ILF2: variants seen among roughly 807,000 people sequenced by gnomAD.
ILF2 encodes interleukin enhancer binding factor 2.
ILF2 carries 9 observed loss-of-function variants against 55.3 expected under a neutral mutation model. That is an observed-to-expected ratio of 0.16 (90% confidence interval 0.10 to 0.28). The LOEUF is 0.28. Ranked by LOEUF, ILF2 falls within the 10% of genes least tolerant of loss-of-function variation. ILF2 has a pLI of 1.00. For synonymous variants in ILF2, 151 were observed against 161.8 expected (o/e 0.93, Z 0.50); for missense variants, 266 against 474.9 (o/e 0.56, Z 4.09).
chr1:153,664,134 AAAGT>A lies in ILF2; in HGVS notation c.657-8_657-5del. 6.3e-7 allele frequency: 1 copy of A among 1,593,392 alleles called. No homozygotes were observed. The highest frequency in any genetic ancestry group is 8.6e-7 in the Non-Finnish European group (1 of 1,162,920). The stretch of plus-strand genomic sequence containing the variant: ...TAGTCTGATGAGAACTTTAACTCTG[AAAGT>A]AATAGTGACCCAAACATTAAAATCA... On this transcript the variant is annotated splice_region_variant and splice_polypyrimidine_tract_variant and intron_variant, in intron 9 of 13. Coordinates refer to ENST00000361891, the MANE Select transcript of ILF2 (RefSeq NM_004515.4).
At chr1:153,663,924 C>A in intron 10 of ILF2, 119 bp downstream of exon 10, 1 of 483,202 alleles carries the variant, frequency 2.1e-6, no homozygotes, top group Non-Finnish European at 3.6e-6. Flanking sequence ...TTTTAAGCTT[C>A]ACCAAATTTC....
chr1:153,667,696 G>GA (rs769678302), intron 5 of ILF2, 39 bp from the exon 6 acceptor site: 2 of 1,424,670 alleles, frequency 1.4e-6, no homozygotes, highest in Admixed American at 1.9e-5. Context: ...CAATTTAGAA[G>GA]AAAAAAAGGT....
chr1:153,670,616 C>T (rs546500149), intron 1 of ILF2, among the ~76,000 whole-genome samples: 29 of 152,212 alleles, frequency 1.9e-4, no homozygotes, highest in African/African-American at 6.7e-4. Context: ...GCCCGGATGA[C>T]GGGGGCGGGG....
At chr1:153,670,023 G>A in intron 2 of ILF2, 145 bp from the exon 3 acceptor site, 1 of 1,077,258 alleles carries the variant, frequency 9.3e-7, no homozygotes, top group Middle Eastern at 2.0e-4. Context: ...TTAGCATAGT[G>A]GGGCCAAATT....
chr1:153,667,216 G>T (rs555504521), intron 6 of ILF2: 75 of 410,332 alleles, frequency 1.8e-4, no homozygotes, highest in African/African-American at 1.4e-3. Context: ...AGTGGCTCAC[G>T]CCTGTAATCC....
chr1:153,669,942 G>A lies in ILF2; in HGVS notation c.66-64C>T, dbSNP rs889630301. On this transcript the variant is annotated intron_variant, in intron 2 of 13. Coordinates refer to ENST00000361891, the MANE Select transcript of ILF2 (RefSeq NM_004515.4). ...GAATCAAGCGAGATGTAAATAACACGCCAACAATTTTGAAAACATGTCAGT... is the reference window on the plus strand; with the variant it reads ...GAATCAAGCGAGATGTAAATAACACACCAACAATTTTGAAAACATGTCAGT... 46 of 1,376,518 alleles carry A rather than the reference G, an allele frequency of 3.3e-5. No homozygotes were observed. The Middle Eastern group carries it at 2.1e-3, about 64-fold the overall frequency. The allele number at this position is 1,376,518 out of a possible 1,614,324, so 85.3% of individuals were successfully genotyped here.
chr1:153,663,992 CT>C lies in ILF2; in HGVS notation c.744+50del, dbSNP rs761663076. 94 of 878,224 alleles carry C rather than the reference CT, an allele frequency of 1.1e-4. 1 individual carries two copies. Among genetic ancestry groups the C allele is most frequent in the Middle Eastern group, 4.4e-4 (2 of 4,516 alleles). The allele number at this position is 878,224 out of a possible 1,614,324, so 54.4% of individuals were successfully genotyped here. On this transcript the variant is annotated intron_variant, in intron 10 of 13. Coordinates refer to ENST00000361891, the MANE Select transcript of ILF2 (RefSeq NM_004515.4). ...ACTACTACTACTACTACTACTACTA[CT>C]ACTAGTAAATAAGGATGATGAGGAA... is the stretch of plus-strand genomic sequence containing the variant.
chr1:153,667,474 G>A, intron 6 of ILF2, 81 bp downstream of exon 6: 1 of 995,008 alleles, frequency 1.0e-6, no homozygotes, highest in East Asian at 2.4e-5. Flanking sequence ...GGGAGAATTT[G>A]TCTCAAAACA....
At chr1:153,662,906 C>CT in intron 12 of ILF2, 111 bp from the exon 13 acceptor site, 1 of 1,312,908 alleles carries the variant, frequency 7.6e-7, no homozygotes, top group Non-Finnish European at 1.1e-6. Flanking sequence ...GGACCAAAGT[C>CT]TTTCAGAATC....
At chr1:153,663,593 A>G (rs1669230839) in intron 10 of ILF2, among the ~76,000 whole-genome samples, 1 of 151,862 alleles carries the variant, frequency 6.6e-6, no homozygotes, top group African/African-American at 2.4e-5. Flanking sequence ...TCAGCCTCCC[A>G]AAGTGCTGGG....
rs761113682 is a variant in ILF2, at chr1:153,669,913, G to A, written c.66-35C>T. ...GAAAAACAGCCAAATTATTCCCTAG[G>A]TAGGAATCAAGCGAGATGTAAATAA... On this transcript the variant is annotated intron_variant, in intron 2 of 13. Coordinates refer to ENST00000361891, the MANE Select transcript of ILF2 (RefSeq NM_004515.4). 6 of 1,563,890 alleles carry A rather than the reference G, an allele frequency of 3.8e-6. No individual in the cohort carries two copies. In the African/African-American group the frequency reaches 4.1e-5, roughly 11 times the overall value.
intron 10 of ILF2, 109 bp downstream of exon 10, chr1:153,663,934 C>CA (rs1027703216): frequency 1.9e-6 from 1 of 522,834 alleles, no homozygotes; most frequent in African/African-American, 2.0e-5. Flanking sequence ...CACCAAATTT[C>CA]AGACTCTGGT....
intron 7 of ILF2, 132 bp from the exon 8 acceptor site, chr1:153,665,468 A>C: frequency 1.3e-6 from 1 of 762,456 alleles, no homozygotes; most frequent in South Asian, 1.6e-5. Flanking sequence ...TAGAATACAG[A>C]GCTTTAGAAG....
At chr1:153,667,202 GCA>G in intron 6 of ILF2, 1 of 385,292 alleles carries the variant, frequency 2.6e-6, no homozygotes. Context: ...TAAGGGCTGG[GCA>G]CAGTGGCTCA....
chr1:153,662,996 T>C (rs756802659), intron 12 of ILF2, 23 bp downstream of exon 12: 1 of 1,580,726 alleles, frequency 6.3e-7, no homozygotes, highest in South Asian at 1.1e-5. Context: ...GCAAAACAAC[T>C]CAGTTCATAT....
intron 3 of ILF2, among the ~76,000 whole-genome samples, chr1:153,669,219 G>A (rs1480121825): frequency 1.3e-5 from 2 of 152,156 alleles, no homozygotes; most frequent in African/African-American, 2.4e-5. Context: ...CTGGGTGACA[G>A]AGTGAGACTG....
chr1:153,664,471 T>C lies in ILF2; in HGVS notation c.581A>G (p.Asp194Gly). ...LRKLDPELHL[D>G]IKVLQSALAA... ...TAAGGCACTCTGCAATACTTTGATA[T>C]CCACTAAAAAGACAAGCATGATATG... The change falls in exon 9 of 14, where the codon GAT becomes GGT. Residue 194 changes from aspartate to glycine, a missense_variant. By Grantham distance (94) the Asp-to-Gly change is moderately conservative (BLOSUM62 -1). Transcript: ENST00000361891. 6.2e-7 allele frequency: 1 copy of C among 1,612,006 alleles called. No homozygotes were observed. Among genetic ancestry groups the C allele is most frequent in the Non-Finnish European group, 8.5e-7 (1 of 1,178,140 alleles).
At chr1:153,664,577 A>T in intron 8 of ILF2, 103 bp from the exon 9 acceptor site, 1 of 911,142 alleles carries the variant, frequency 1.1e-6, no homozygotes, top group Non-Finnish European at 1.8e-6. Flanking sequence ...GGCAGGATAG[A>T]CGGAGTCTCG....
intron 6 of ILF2, 76 bp downstream of exon 6, chr1:153,667,479 A>G (rs555576665): frequency 6.5e-6 from 7 of 1,084,856 alleles, no homozygotes; most frequent in Non-Finnish European, 8.6e-6. Context: ...AATTTGTCTC[A>G]AAACAAAAAA....
Sources: gnomAD v4.1 joint callset for allele counts (sites outside exome capture counted in the v4.1 genomes callset) on GRCh38, gnomAD v4.1.1 for gene constraint, MANE v1.5 for transcripts, NCBI Gene and HGNC (gene_info 2026-07-23, HGNC 2026-07-21) for gene names.